HECTD4: variants seen among roughly 807,000 people sequenced by gnomAD.
HECTD4 encodes probable E3 ubiquitin-protein ligase HECTD4.
A neutral mutation model predicts 471.5 loss-of-function variants in HECTD4; 114 were observed. That is an observed-to-expected ratio of 0.24 (90% confidence interval 0.21 to 0.28). HECTD4 has a LOEUF of 0.28. HECTD4 is among the 10% of genes least tolerant of loss of function. HECTD4 has a pLI of 1.00. For missense variants in HECTD4, 3,866 were observed against 5,651.5 expected (o/e 0.68, Z 10.13); for synonymous variants, 2,012 against 2,256.0 (o/e 0.89, Z 3.07).
chr12:112,243,021 T>C lies in HECTD4; in HGVS notation c.4958+332A>G, dbSNP rs2033677713. Among the ~76,000 whole-genome samples, 1 of 152,174 alleles carries C rather than the reference T, an allele frequency of 6.6e-6. No individual in the cohort carries two copies. Among genetic ancestry groups the C allele is most frequent in the South Asian group, 2.1e-4 (1 of 4,830 alleles). On this transcript the variant is annotated intron_variant, in intron 32 of 75. Coordinates refer to ENST00000682272, the MANE Select transcript of HECTD4 (RefSeq NM_001388303.1). The surrounding 1 kb of genome is among the most constrained non-coding windows in gnomAD (Gnocchi z 6.6). ...AAACAACCATGGTTATAGAAAGGCA[T>C]GGATAATATAATCTGAATTAAGTTG...
chr12:112,200,855 G>C, intron 54 of HECTD4, 57 bp from the exon 55 acceptor site: 1 of 1,508,318 alleles, frequency 6.6e-7, no homozygotes, highest in Non-Finnish European at 9.1e-7. Flanking sequence ...TTCCATGTGT[G>C]CGTGCGTGCG....
intron 12 of HECTD4, 92 bp downstream of exon 12, chr12:112,270,135 A>C: frequency 9.0e-7 from 1 of 1,112,084 alleles, no homozygotes; most frequent in Non-Finnish European, 1.3e-6. Flanking sequence ...AAAATCATTA[A>C]ATTTTTCTTC....
chr12:112,372,321 G>C (rs1483968510), intron 1 of HECTD4, among the ~76,000 whole-genome samples: 1 of 151,700 alleles, frequency 6.6e-6, no homozygotes, highest in South Asian at 2.1e-4. Context: ...GTGCAGTGGC[G>C]CAATCTCGGC....
rs2137001345 is a variant in HECTD4 at position 112,167,553 on chromosome 12, G to A, written c.12313-15C>T. 1 of 1,556,298 alleles carries A rather than the reference G, an allele frequency of 6.4e-7. No individual in the cohort carries two copies. Among genetic ancestry groups the A allele is most frequent in the Non-Finnish European group, 8.7e-7 (1 of 1,146,972 alleles). Reference sequence around the variant, plus strand: ...ATATACTTGCCCTGGAAGTGGAGGTGGGCATGAGGTGACCTGGGCGTGGGC... The same window carrying A: ...ATATACTTGCCCTGGAAGTGGAGGTAGGCATGAGGTGACCTGGGCGTGGGC... On this transcript the variant is annotated splice_polypyrimidine_tract_variant and intron_variant, in intron 71 of 75. Coordinates refer to ENST00000682272, the MANE Select transcript of HECTD4 (RefSeq NM_001388303.1).
intron 34 of HECTD4, among the ~76,000 whole-genome samples, chr12:112,237,545 C>T (rs1016690004): frequency 4.6e-5 from 7 of 151,928 alleles, no homozygotes; most frequent in Admixed American, 6.6e-5. Flanking sequence ...TCTTTTAGAT[C>T]GCTGAGTCTA....
intron 50 of HECTD4, among the ~76,000 whole-genome samples, chr12:112,209,031 G>A (rs1316039140): frequency 6.6e-6 from 1 of 151,062 alleles, no homozygotes; most frequent in African/African-American, 2.4e-5. Context: ...CTCCTGAGTG[G>A]CTGGGACTAC....
Position 112,167,301 on chromosome 12 carries a change from T to C in HECTD4, c.12534+16A>G. ...CCCGGGTTCTGCAGCCCCCCAGAACTGTGCCTTGCACTCACGCTCTCAAAC... is the reference window on the plus strand; with the variant it reads ...CCCGGGTTCTGCAGCCCCCCAGAACCGTGCCTTGCACTCACGCTCTCAAAC... On this transcript the variant is annotated intron_variant, in intron 72 of 75. Transcript: ENST00000682272. 1 of 1,596,810 alleles carries C rather than the reference T, an allele frequency of 6.3e-7. No individual in the cohort carries two copies. Among genetic ancestry groups the C allele is most frequent in the South Asian group, 1.1e-5 (1 of 89,398 alleles).
chr12:112,269,167 C>T (rs1487694000), intron 13 of HECTD4, among the ~76,000 whole-genome samples: 4 of 152,108 alleles, frequency 2.6e-5, no homozygotes, highest in African/African-American at 9.7e-5. Context: ...GCCACCGCGC[C>T]CGGCCCTGAA....
intron 11 of HECTD4, among the ~76,000 whole-genome samples, chr12:112,272,858 T>C (rs991585243): frequency 1.3e-5 from 2 of 152,190 alleles, no homozygotes; most frequent in Non-Finnish European, 2.9e-5. Flanking sequence ...CCCTATCAAG[T>C]CAGCCCCCTC....
chr12:112,244,090 C>G, intron 29 of HECTD4, 81 bp from the exon 30 acceptor site: 1 of 1,398,974 alleles, frequency 7.1e-7, no homozygotes, highest in Non-Finnish European at 9.8e-7. Flanking sequence ...ACCCAACAGT[C>G]TAAGTGTATC....
chr12:112,248,454 A>G lies in HECTD4; in HGVS notation c.4009T>C (p.Leu1337=). ...GACTGCAGTGCATCAACCAAGTTCA[A>G]GTGCTTAATAACACAAGATACCACC... is the stretch of plus-strand genomic sequence containing the variant. ...EMVVSCVIKH[L]NLVDALQSLI... Residue 1337 remains leucine (L), a synonymous_variant, in exon 26 of 76, where the codon TTG becomes CTG. Transcript: ENST00000682272. 6.2e-7 allele frequency: 1 copy of G among 1,612,168 alleles called. No individual in the cohort carries two copies. Among genetic ancestry groups the G allele is most frequent in the Non-Finnish European group, 8.5e-7 (1 of 1,179,076 alleles).
Position 112,319,154 on chromosome 12 carries a change from T to C in HECTD4, c.695+71A>G. 2 of 1,426,230 alleles carry C rather than the reference T, an allele frequency of 1.4e-6. No individual in the cohort carries two copies. Among genetic ancestry groups the C allele is most frequent in the Non-Finnish European group, 9.4e-7 (1 of 1,061,622 alleles). 88.3% of individuals were successfully genotyped at this position (1,426,230 alleles called of 1,614,324 possible). On this transcript the variant is annotated intron_variant, in intron 2 of 75. Transcript: ENST00000682272. The surrounding 1 kb of genome is among the most constrained non-coding windows in gnomAD (Gnocchi z 5.3). Reference sequence around the variant, plus strand: ...AGACTTCTATCAAATATACTTGGCCTCTTCTTCATTCACCCAACCCAGGTG... The same window carrying C: ...AGACTTCTATCAAATATACTTGGCCCCTTCTTCATTCACCCAACCCAGGTG...
At chr12:112,217,981 T>C (rs996605695) in intron 45 of HECTD4, among the ~76,000 whole-genome samples, 3 of 151,980 alleles carry the variant, frequency 2.0e-5, no homozygotes, top group Non-Finnish European at 4.4e-5. Flanking sequence ...TTTTAAAAAA[T>C]TTATTATTAT....
intron 55 of HECTD4, among the ~76,000 whole-genome samples, chr12:112,198,811 G>A (rs867877349): frequency 2.6e-5 from 4 of 152,194 alleles, no homozygotes; most frequent in Admixed American, 2.0e-4. Flanking sequence ...GTGTTTTAAA[G>A]TCAGTTCTTC....
At chr12:112,358,181 T>G (rs7978774) in intron 1 of HECTD4, among the ~76,000 whole-genome samples, 44 of 152,246 alleles carry the variant, frequency 2.9e-4, no homozygotes, top group African/African-American at 9.9e-4. Context: ...TTCAGCCTGG[T>G]GATAGAGCAA....
At position 112,160,848 on chromosome 12, in the gene HECTD4, T is replaced by G. The variant is rs1158070638; in HGVS notation, c.*1539A>C. The G allele has an allele frequency of 1.3e-5, 2 of 152,186 alleles. No homozygotes were observed. The highest frequency in any genetic ancestry group is 4.8e-5 in the African/African-American group (2 of 41,456). 9.4% of individuals were successfully genotyped at this position (152,186 alleles called of 1,614,324 possible). ...TCTTCTTTCAAAGCAGGGGAACTGC[T>G]TGCGGGCACTCACCTCCAGAGTTGA... On this transcript the variant is annotated 3_prime_UTR_variant, in exon 76 of 76. Coordinates refer to ENST00000682272, the MANE Select transcript of HECTD4 (RefSeq NM_001388303.1).
At chr12:112,302,384 A>G in intron 7 of HECTD4, 1 of 754,616 alleles carries the variant, frequency 1.3e-6, no homozygotes, top group South Asian at 1.4e-5. Context: ...GGCCAGCTTA[A>G]GCAGTTGAGT....
In HECTD4 at chr12:112,162,656, G is replaced by A; in HGVS notation, c.13121-133C>T. 1 of 1,045,284 alleles carries A rather than the reference G, an allele frequency of 9.6e-7. No individual in the cohort carries two copies. The highest frequency in any genetic ancestry group is 1.6e-5 in the South Asian group (1 of 63,272). The allele number at this position is 1,045,284 out of a possible 1,614,324, so 64.8% of individuals were successfully genotyped here. On this transcript the variant is annotated intron_variant, in intron 75 of 75. Transcript: ENST00000682272. The surrounding 1 kb of genome is among the most constrained non-coding windows in gnomAD (Gnocchi z 5.2). ...GCCAATCCTGGGGCCCAGCAGGAGG[G>A]GGATGAGGGCCTGGGAACCTGCGAG...
intron 29 of HECTD4, among the ~76,000 whole-genome samples, chr12:112,245,421 C>G (rs1296315155): frequency 6.6e-6 from 1 of 152,188 alleles, no homozygotes; most frequent in African/African-American, 2.4e-5. Context: ...GTACTAACAG[C>G]CTTACCAAGT....
Sources: gnomAD v4.1 joint callset for allele counts (sites outside exome capture counted in the v4.1 genomes callset) on GRCh38, gnomAD v4.1.1 for gene constraint, Gnocchi (gnomAD v3.1) non-coding constraint, MANE v1.5 for transcripts, NCBI Gene and HGNC (gene_info 2026-07-23, HGNC 2026-07-21) for gene names.